SHB: variants seen among roughly 807,000 people sequenced by gnomAD.
SHB encodes the protein SH2 domain containing adaptor protein B.
A neutral mutation model predicts 52.3 loss-of-function variants in SHB; 20 were observed. That is an observed-to-expected ratio of 0.38 (90% CI 0.27 to 0.56). The LOEUF is 0.56. Ranked by LOEUF, SHB falls within the 20% of genes least tolerant of loss-of-function variation. The probability of loss-of-function intolerance (pLI) is 0.71; values close to 1 mark genes in which losing one functional copy is unlikely to be tolerated. For missense variants in SHB, 825 were observed against 723.3 expected, an observed-to-expected ratio of 1.14 and a Z score of -1.61; for synonymous variants, 397 against 316.5, an observed-to-expected ratio of 1.25 and a Z score of -2.70.
intron 3 of SHB, among the ~76,000 whole-genome samples, chr9:37,967,552 G>A (rs955013090): frequency 1.3e-5 from 2 of 152,164 alleles, no homozygotes; most frequent in African/African-American, 4.8e-5. Flanking sequence ...AAGCTTCCTG[G>A]AGGAGGTGAC....
At position 38,012,792 on chromosome 9, in the gene SHB, T is replaced by C. The variant is rs776071760; in HGVS notation, c.838+3219A>G. Among the ~76,000 whole-genome samples the C allele has an allele frequency of 5.6e-4, 84 of 150,024 alleles. 1 individual carries two copies. Among genetic ancestry groups the C allele is most frequent in the Non-Finnish European group, 1.6e-4 (11 of 67,698 alleles). On this transcript the variant is annotated intron_variant, in intron 2 of 5. Coordinates refer to ENST00000377707, the MANE Select transcript of SHB (RefSeq NM_003028.3). The stretch of plus-strand genomic sequence containing the variant: ...CGTTATGCTTACTTATTCAAGATGA[T>C]GCCCTGTAACTACAAGTTACACGCT...
intron 1 of SHB, among the ~76,000 whole-genome samples, chr9:38,017,401 C>A (rs561424775): frequency 6.6e-6 from 1 of 152,342 alleles, no homozygotes; most frequent in South Asian, 2.1e-4. Context: ...GAGGGGCCTG[C>A]AAACTCAGGG....
intron 1 of SHB, among the ~76,000 whole-genome samples, chr9:38,049,097 T>G (rs1564110456): frequency 6.6e-6 from 1 of 152,254 alleles, no homozygotes; most frequent in Admixed American, 6.5e-5. Context: ...CTCGGCTCAC[T>G]GCAGCCGTAA....
intron 4 of SHB, among the ~76,000 whole-genome samples, chr9:37,953,813 G>A (rs1387001615): frequency 6.6e-6 from 1 of 152,206 alleles, no homozygotes; most frequent in Non-Finnish European, 1.5e-5. Context: ...ACCGAAATGG[G>A]ATTTTACCTT....
intron 2 of SHB, among the ~76,000 whole-genome samples, chr9:38,012,304 C>T (rs1406284085): frequency 6.6e-6 from 1 of 152,142 alleles, no homozygotes; most frequent in Non-Finnish European, 1.5e-5. Flanking sequence ...TTCAAACAGG[C>T]TAGGAAGTCA....
At chr9:38,029,840 T>C (rs975624115) in intron 1 of SHB, among the ~76,000 whole-genome samples, 3 of 152,208 alleles carry the variant, frequency 2.0e-5, no homozygotes, top group Non-Finnish European at 2.9e-5. Context: ...TAGACCAATA[T>C]GCATGGTAAG....
chr9:38,051,139 G>A (rs1014578455), intron 1 of SHB, among the ~76,000 whole-genome samples: 3 of 152,110 alleles, frequency 2.0e-5, no homozygotes, highest in African/African-American at 7.2e-5. Context: ...CTGAGTCGAA[G>A]TTGCACACAA....
chr9:38,068,592 G>GA lies in SHB; in HGVS notation c.53_54insT (p.Gln21AlafsTer225). On this transcript the variant is annotated frameshift_variant, in exon 1 of 6. Coordinates refer to ENST00000377707, the MANE Select transcript of SHB (RefSeq NM_003028.3). LOFTEE classifies it high-confidence loss of function. Reference sequence around the variant, plus strand: ...AGTCTGGCCGCGGCGGCTGCGGGGGGCTCTTGGTCTTGCTGTTGCCCAAGC... The same window carrying GA: ...AGTCTGGCCGCGGCGGCTGCGGGGGGACTCTTGGTCTTGCTGTTGCCCAAGC... 1 of 1,495,050 alleles carries GA rather than the reference G, an allele frequency of 6.7e-7. No homozygotes were observed. The highest frequency in any genetic ancestry group is 8.8e-7 in the Non-Finnish European group (1 of 1,133,582). 92.6% of individuals were successfully genotyped at this position (1,495,050 alleles called of 1,614,324 possible). A position where few individuals can be genotyped will look rare whatever the true frequency, so the allele number is the denominator to read the frequency against.
At position 37,948,078 on chromosome 9, in the gene SHB, T is replaced by C. The variant is rs113920815; in HGVS notation, c.1346+557A>G. Among the ~76,000 whole-genome samples, 1,236 of 152,338 alleles carry C rather than the reference T, an allele frequency of 8.1e-3. 16 individuals carry two copies. The highest frequency in any genetic ancestry group is 0.028 in the African/African-American group (1,172 of 41,576). On this transcript the variant is annotated intron_variant, in intron 5 of 5. Transcript: ENST00000377707. The stretch of plus-strand genomic sequence containing the variant: ...GACCTGAAAGTTTCCAAAGCTGCGA[T>C]AGGCAGTAACACCACCTCTTCCCAG...
At chr9:37,997,391 T>C (rs1415174929) in intron 2 of SHB, among the ~76,000 whole-genome samples, 1 of 152,218 alleles carries the variant, frequency 6.6e-6, no homozygotes, top group Non-Finnish European at 1.5e-5. Context: ...AGACAGCCCC[T>C]TCCCTCCTGG....
chr9:38,068,242 C>A lies in SHB; in HGVS notation c.404G>T (p.Gly135Val). ...GGAGGCGCAGCAACAGCCCGCGGCG[C>A]CCGACGCGGACGAGGCCGAGAAGGC... ...QRAFSASSAS[G>V]AAGCCCASSG... The change falls in exon 1 of 6, where the codon GGC becomes GTC. Residue 135 changes from glycine (G) to valine (V), a missense_variant. Coordinates refer to ENST00000377707, the MANE Select transcript of SHB (RefSeq NM_003028.3). 7.1e-7 allele frequency: 1 copy of A among 1,401,736 alleles called. No individual in the cohort carries two copies. The allele number at this position is 1,401,736 out of a possible 1,614,324, so 86.8% of individuals were successfully genotyped here. A position where few individuals can be genotyped will look rare whatever the true frequency, so the allele number is the denominator to read the frequency against.
rs997514921 is a variant in SHB, at chr9:37,916,731, G to T, written c.*3090C>A. Among the ~76,000 whole-genome samples the T allele has an allele frequency of 7.9e-5, 12 of 152,296 alleles. No homozygotes were observed. In the South Asian group the frequency reaches 1.9e-3, roughly 24 times the overall value. ...AGCCTGGGCCATTCTTCTGACTTCAGGACGGGACTGGCAGGCGGTGGGGCC... is the reference window on the plus strand; with the variant it reads ...AGCCTGGGCCATTCTTCTGACTTCATGACGGGACTGGCAGGCGGTGGGGCC... On this transcript the variant is annotated 3_prime_UTR_variant, in exon 6 of 6. Coordinates refer to ENST00000377707, the MANE Select transcript of SHB (RefSeq NM_003028.3).
At position 37,956,037 on chromosome 9, in the gene SHB, C is replaced by A. The variant is rs1444991815; in HGVS notation, c.1072G>T (p.Glu358Ter). The change falls in exon 4 of 6, where the codon GAG becomes TAG. Residue 358 changes from glutamate to a stop codon, truncating the protein, a stop_gained. Transcript: ENST00000377707. LOFTEE classifies it high-confidence loss of function. Reference protein sequence around the residue: ...PALAAQFNGNEKRQSSPSPSR... With the variant: ...PALAAQFNGN ...GGTGAGGGGGATGACTGCCGCTTCT[C>A]GTTGCCATTAAACTGTGCTGTGGGG... The A allele has an allele frequency of 6.4e-7, 1 of 1,565,988 alleles. No individual in the cohort carries two copies. Among genetic ancestry groups the A allele is most frequent in the African/African-American group, 1.3e-5 (1 of 74,224 alleles).
intron 1 of SHB, among the ~76,000 whole-genome samples, chr9:38,049,849 G>A (rs1821716956): frequency 6.6e-6 from 1 of 150,826 alleles, no homozygotes; most frequent in African/African-American, 2.4e-5. Flanking sequence ...GCCCAGGCTG[G>A]AGTGCAGTGG....
chr9:38,005,389 C>G (rs759034101), intron 2 of SHB, among the ~76,000 whole-genome samples: 3 of 152,190 alleles, frequency 2.0e-5, no homozygotes, highest in African/African-American at 7.2e-5. Context: ...ACGGGCCAAG[C>G]TGGCTGAAAG....
chr9:38,065,692 A>G (rs953503530), intron 1 of SHB, among the ~76,000 whole-genome samples: 2 of 152,194 alleles, frequency 1.3e-5, no homozygotes, highest in Non-Finnish European at 2.9e-5. Flanking sequence ...TAGTAGGTGA[A>G]AAGTAACCCA....
At chr9:38,012,195 G>C (rs1204468242) in intron 2 of SHB, among the ~76,000 whole-genome samples, 1 of 152,204 alleles carries the variant, frequency 6.6e-6, no homozygotes, top group Non-Finnish European at 1.5e-5. Context: ...AGCCTCGTCA[G>C]TGAATCACTG....
chr9:37,936,252 A>G (rs1471566326), intron 5 of SHB, among the ~76,000 whole-genome samples: 1 of 152,112 alleles, frequency 6.6e-6, no homozygotes, highest in Non-Finnish European at 1.5e-5. Context: ...CACCATTATA[A>G]AAGAGATTCA....
chr9:38,014,002 G>A (rs1010892354), intron 2 of SHB, among the ~76,000 whole-genome samples: 3 of 152,112 alleles, frequency 2.0e-5, no homozygotes, highest in African/African-American at 7.2e-5. Flanking sequence ...TCCCTGGCAG[G>A]GGCTCCTGCC....
Sources: gnomAD v4.1 joint callset for allele counts (sites outside exome capture counted in the v4.1 genomes callset) on GRCh38, gnomAD v4.1.1 for gene constraint, MANE v1.5 for transcripts, NCBI Gene and HGNC (gene_info 2026-07-23, HGNC 2026-07-21) for gene names.